The following TAF4 variants were observed in gnomAD, a reference collection of about 807,000 sequenced individuals.
The protein encoded by TAF4 is TATA-box binding protein associated factor 4.
Under a neutral mutation model 90.3 loss-of-function variants are expected in TAF4, and 9 were observed. The ratio of observed to expected loss-of-function variants is 0.10; its 90% CI spans 0.06 to 0.17. TAF4 has a LOEUF of 0.17. Among genes scored for constraint, TAF4 ranks in the 10% least tolerant of loss-of-function variants. TAF4 has a pLI of 1.00. For synonymous variants in TAF4, 818 were observed against 638.9 expected (o/e 1.28, Z -4.23); for missense variants, 1,351 against 1,370.7 (o/e 0.99, Z 0.23).
chr20:62,025,315 G>GT (rs2055868613), intron 1 of TAF4, among the ~76,000 whole-genome samples: 1 of 152,234 alleles, frequency 6.6e-6, no homozygotes, highest in African/African-American at 2.4e-5. Context: ...AATTTCTGGT[G>GT]TATCTATAAT....
Position 62,021,355 on chromosome 20 carries a change from C to T in TAF4, c.1361-6648G>A, listed in dbSNP as rs186445006. 2.6e-3 allele frequency among the ~76,000 whole-genome samples: 393 copies of T among 152,368 alleles called. 2 individuals carry two copies. Among genetic ancestry groups the T allele is most frequent in the African/African-American group, 9.3e-3 (385 of 41,576 alleles). ...TCAAGGATGAAGCAGAAGGGAGGAA[C>T]AGGCATGGCCAGGCACAGGGTCCGG... On this transcript the variant is annotated intron_variant, in intron 1 of 14. Transcript: ENST00000252996.
intron 9 of TAF4, among the ~76,000 whole-genome samples, chr20:62,001,775 A>G (rs1160101708): frequency 2.0e-5 from 3 of 152,122 alleles, no homozygotes; most frequent in African/African-American, 4.8e-5. Flanking sequence ...CGTCATGCCC[A>G]TGTCCACTGC....
At chr20:61,997,711 T>C in intron 13 of TAF4, 42 bp from the exon 14 acceptor site, 2 of 1,581,164 alleles carry the variant, frequency 1.3e-6, no homozygotes, top group Non-Finnish European at 1.7e-6. Context: ...ATTTCTTGCA[T>C]GTTTTTTACT....
chr20:61,985,705 C>T (rs1002712838), intron 14 of TAF4, among the ~76,000 whole-genome samples: 14 of 151,076 alleles, frequency 9.3e-5, no homozygotes, highest in East Asian at 3.9e-4. Flanking sequence ...GAGCCTGTGA[C>T]GTCAGACTAG....
intron 14 of TAF4, among the ~76,000 whole-genome samples, chr20:61,988,772 G>A (rs1181954294): frequency 6.6e-6 from 1 of 152,114 alleles, no homozygotes; most frequent in Non-Finnish European, 1.5e-5. Context: ...ACTCGGCAGT[G>A]CCTCACCTGG....
chr20:62,041,577 C>T (rs2055963980), intron 1 of TAF4, among the ~76,000 whole-genome samples: 1 of 151,590 alleles, frequency 6.6e-6, no homozygotes, highest in East Asian at 1.9e-4. Flanking sequence ...TGCAGTGAGC[C>T]GAAATTGCGC....
chr20:62,038,658 A>G (rs1041146483), intron 1 of TAF4, among the ~76,000 whole-genome samples: 5 of 152,206 alleles, frequency 3.3e-5, no homozygotes, highest in African/African-American at 1.2e-4. Context: ...GCCTAAATCA[A>G]TGAAGAGGTA....
chr20:62,047,761 A>G (rs2181589), intron 1 of TAF4, among the ~76,000 whole-genome samples: 82,713 of 152,210 alleles, frequency 0.54, 22,911 homozygotes, highest in Middle Eastern at 0.66. Context: ...AGACTTCGCC[A>G]TGAGAAGAGT....
chr20:61,991,235 A>G (rs1163215583), intron 14 of TAF4, among the ~76,000 whole-genome samples: 1 of 152,130 alleles, frequency 6.6e-6, no homozygotes, highest in Non-Finnish European at 1.5e-5. Flanking sequence ...CCTGGCCAAC[A>G]TGGTGAAACC....
chr20:61,998,018 A>G, intron 13 of TAF4, 118 bp downstream of exon 13: 1 of 975,624 alleles, frequency 1.0e-6, no homozygotes, highest in East Asian at 2.6e-5. Context: ...CAAACATTTT[A>G]AACAGACACG....
rs745357346 is a variant in TAF4 at position 62,006,603 on chromosome 20, C to G, written c.2130G>C (p.Ala710=). 2.5e-6 allele frequency: 4 copies of G among 1,599,918 alleles called. No individual in the cohort carries two copies. Among genetic ancestry groups the G allele is most frequent in the Non-Finnish European group, 2.6e-6 (3 of 1,174,688 alleles). ...GCTGGAGGGCACTGGTCACGGTGGC[C>G]GCCGTCTTCCCGGCCGTGCGCTGGA... The part of the protein sequence containing the change: ...SSVQRTAGKT[A]ATVTSALQPP... Residue 710 remains alanine (A), a synonymous_variant, in exon 7 of 15, where the codon GCG becomes GCC. Transcript: ENST00000252996. The surrounding 1 kb of genome is among the most constrained non-coding windows in gnomAD (Gnocchi z 7.0).
At chr20:62,014,038 GTGTGTGTA>G (rs769868978) in intron 2 of TAF4, among the ~76,000 whole-genome samples, 1,503 of 124,424 alleles carry the variant, frequency 0.012, 28 homozygotes, top group African/African-American at 0.042. Flanking sequence ...GTGTGTGTGT[GTGTGTGTA>G]TGTGTGTGTG....
intron 1 of TAF4, among the ~76,000 whole-genome samples, chr20:62,040,524 G>A (rs778721239): frequency 1.3e-5 from 2 of 152,374 alleles, no homozygotes; most frequent in South Asian, 2.1e-4. Flanking sequence ...TCCTGTACTC[G>A]ACGGTGGTGG....
At chr20:61,986,089 C>A (rs1489185279) in intron 14 of TAF4, among the ~76,000 whole-genome samples, 12 of 101,910 alleles carry the variant, frequency 1.2e-4, no homozygotes, top group Admixed American at 2.9e-4. Context: ...CACCATCCCC[C>A]ATCAAAGGAA....
At chr20:62,002,159 G>A (rs573174975) in intron 9 of TAF4, among the ~76,000 whole-genome samples, 14 of 152,262 alleles carry the variant, frequency 9.2e-5, no homozygotes, top group East Asian at 1.9e-4. Flanking sequence ...TCTTTCACCC[G>A]TGTATGTCCC....
At chr20:62,013,312 CT>C (rs1257914288) in intron 2 of TAF4, among the ~76,000 whole-genome samples, 1 of 152,204 alleles carries the variant, frequency 6.6e-6, no homozygotes, top group Non-Finnish European at 1.5e-5. Context: ...GTGGCCGCCC[CT>C]AGGCTAGATG....
rs1441389332 is a variant in TAF4 at position 62,010,808 on chromosome 20, G to T, written c.1642-643C>A. On this transcript the variant is annotated intron_variant, in intron 3 of 14. Transcript: ENST00000252996. This position sits in a 1 kb window ranked among gnomAD's most constrained non-coding sequence, Gnocchi z 4.5. ...GGAGGGGCTGCTTTGCTAAGCAAATGAACAGCCAGACGCCAAAAGGTAGCT... is the reference window on the plus strand; with the variant it reads ...GGAGGGGCTGCTTTGCTAAGCAAATTAACAGCCAGACGCCAAAAGGTAGCT... Among the ~76,000 whole-genome samples, 1 of 152,226 alleles carries T rather than the reference G, an allele frequency of 6.6e-6. No individual in the cohort carries two copies. Among genetic ancestry groups the T allele is most frequent in the Non-Finnish European group, 1.5e-5 (1 of 68,038 alleles).
intron 1 of TAF4, among the ~76,000 whole-genome samples, chr20:62,020,994 G>C (rs2055839804): frequency 6.6e-6 from 1 of 152,148 alleles, no homozygotes; most frequent in Admixed American, 6.5e-5. Flanking sequence ...CACTGGGAAG[G>C]AAAGACCTTC....
At chr20:62,008,276 G>A (rs1366372563) in intron 5 of TAF4, 1 of 152,466 alleles carries the variant, frequency 6.6e-6, no homozygotes, top group Non-Finnish European at 1.5e-5. Flanking sequence ...AACCCTAAGA[G>A]ACTCCGGAAG....
Sources: gnomAD v4.1 joint callset for allele counts (sites outside exome capture counted in the v4.1 genomes callset) on GRCh38, gnomAD v4.1.1 for gene constraint, Gnocchi (gnomAD v3.1) non-coding constraint, MANE v1.5 for transcripts, NCBI Gene and HGNC (gene_info 2026-07-23, HGNC 2026-07-21) for gene names.